NSMAF: variants seen among roughly 807,000 people sequenced by gnomAD.
The protein encoded by NSMAF is protein FAN.
In NSMAF, 90 loss-of-function variants were observed where a neutral mutation model predicts 134.9. The ratio of observed to expected loss-of-function variants is 0.67; its 90% CI spans 0.56 to 0.79. The LOEUF is 0.79. Ranked by LOEUF, NSMAF falls within the 30% of genes least tolerant of loss-of-function variation. The pLI, the probability that NSMAF is intolerant of heterozygous loss-of-function variation, is 0.00. For missense variants in NSMAF, 1,010 were observed against 1,119.0 expected, an observed-to-expected ratio of 0.90 and a Z score of 1.39; for synonymous variants, 358 against 389.6, an observed-to-expected ratio of 0.92 and a Z score of 0.96.
chr8:58,624,480 T>C (rs896888367), intron 6 of NSMAF, among the ~76,000 whole-genome samples: 1 of 152,172 alleles, frequency 6.6e-6, no homozygotes, highest in African/African-American at 2.4e-5. Flanking sequence ...TATCTCAAGA[T>C]TTTAAATTTT....
chr8:58,592,662 TG>T (rs1406634968), intron 23 of NSMAF, among the ~76,000 whole-genome samples: 3 of 152,148 alleles, frequency 2.0e-5, no homozygotes, highest in Non-Finnish European at 4.4e-5. Flanking sequence ...CCGAGGCAGG[TG>T]GAACACCTGA....
intron 1 of NSMAF, among the ~76,000 whole-genome samples, chr8:58,656,440 G>A (rs1383522004): frequency 6.6e-6 from 1 of 152,180 alleles, no homozygotes; most frequent in Non-Finnish European, 1.5e-5. Flanking sequence ...ATTCAAACCA[G>A]AAGTCTGAGA....
At chr8:58,585,250 G>T (rs939032680) in intron 30 of NSMAF, among the ~76,000 whole-genome samples, 6 of 151,676 alleles carry the variant, frequency 4.0e-5, no homozygotes, top group Non-Finnish European at 5.9e-5. Flanking sequence ...AGGAGGACTG[G>T]GAGGTAGGAG....
At chr8:58,584,690 T>C (rs1188299318) in intron 30 of NSMAF, among the ~76,000 whole-genome samples, 1 of 152,156 alleles carries the variant, frequency 6.6e-6, no homozygotes, top group Non-Finnish European at 1.5e-5. Flanking sequence ...CAGGCTGGAG[T>C]ACAGTGGCAT....
intron 1 of NSMAF, chr8:58,659,260 G>T: frequency 6.6e-7 from 1 of 1,509,446 alleles, no homozygotes; most frequent in Non-Finnish European, 8.8e-7. Context: ...GGCCTTCCGG[G>T]TGAGCTGCCC....
chr8:58,620,434 C>T (rs1806760382), intron 9 of NSMAF, among the ~76,000 whole-genome samples: 1 of 152,194 alleles, frequency 6.6e-6, no homozygotes, highest in Non-Finnish European at 1.5e-5. Context: ...TAAGAGCTAG[C>T]ACCTAAGAGT....
chr8:58,595,712 A>G, intron 21 of NSMAF, 53 bp from the exon 22 acceptor site: 1 of 1,009,668 alleles, frequency 9.9e-7, no homozygotes, highest in Non-Finnish European at 1.6e-6. Context: ...CCAACAGACA[A>G]CAGCATCAGA....
chr8:58,623,418 T>C lies in NSMAF; in HGVS notation c.463A>G (p.Arg155Gly). ...CCCAATTTGTCAAGGCAGGATGCTC[T>C]GTGAAGCTACAGTATCATAAACAGA... ...DVVETLLQLH[R>G]ASCLDKLGDQ... The change falls in exon 8 of 31, where the codon AGA (arginine) becomes GGA (glycine). Residue 155 changes from arginine to glycine, a missense_variant. By Grantham distance (125) the Arg-to-Gly change is moderately radical (BLOSUM62 -2). Coordinates refer to ENST00000038176, the MANE Select transcript of NSMAF (RefSeq NM_003580.4). 6.2e-7 allele frequency: 1 copy of C among 1,614,008 alleles called. No homozygotes were observed. The highest frequency in any genetic ancestry group is 1.1e-5 in the South Asian group (1 of 91,064).
At chr8:58,585,317 G>GTTATTTTTTTTTTTTTT (rs1554572269) in intron 30 of NSMAF, among the ~76,000 whole-genome samples, 30 of 144,296 alleles carry the variant, frequency 2.1e-4, no homozygotes, top group African/African-American at 7.4e-4. Flanking sequence ...TTGTTTCTGG[G>GTTATTTTTTTTTTTTTT]TTTTTTTTTT....
intron 1 of NSMAF, among the ~76,000 whole-genome samples, chr8:58,645,880 A>G (rs1039059345): frequency 1.3e-5 from 2 of 152,114 alleles, no homozygotes; most frequent in African/African-American, 4.8e-5. Flanking sequence ...CTCTCTACTA[A>G]AAGTACAAAA....
At chr8:58,633,960 A>G (rs1227388128) in intron 5 of NSMAF, among the ~76,000 whole-genome samples, 3 of 152,190 alleles carry the variant, frequency 2.0e-5, no homozygotes, top group Non-Finnish European at 2.9e-5. Context: ...AAGTTATTAA[A>G]TTTTTACTAA....
At chr8:58,650,996 A>G (rs555726619) in intron 1 of NSMAF, among the ~76,000 whole-genome samples, 4 of 152,182 alleles carry the variant, frequency 2.6e-5, no homozygotes, top group Admixed American at 1.3e-4. Context: ...CCTCTTTCCA[A>G]TTGTGTTCTC....
chr8:58,587,085 A>G (rs891964569), intron 27 of NSMAF, among the ~76,000 whole-genome samples: 3 of 152,236 alleles, frequency 2.0e-5, no homozygotes, highest in Non-Finnish European at 4.4e-5. Context: ...GCATCAGTTC[A>G]CAACCTTAGA....
rs33942423 is a variant in NSMAF, at chr8:58,601,546, G to GAA, written c.1126-13_1126-12dup. 0.098 allele frequency: 137,920 copies of GAA among 1,406,474 alleles called. 3,168 individuals are homozygous for GAA. The highest frequency in any genetic ancestry group is 0.28 in the African/African-American group (17,762 of 63,712). 87.1% of individuals were successfully genotyped at this position (1,406,474 alleles called of 1,614,324 possible). On this transcript the variant is annotated splice_polypyrimidine_tract_variant and intron_variant, in intron 14 of 30. Coordinates refer to ENST00000038176, the MANE Select transcript of NSMAF (RefSeq NM_003580.4). ...TTCCTGGTAGCGTGTCTAGAATACA[G>GAA]AAAAAAAAAAAAAATAGAGCTAAGT...
chr8:58,599,423 C>T (rs1806222094), intron 18 of NSMAF, 60 bp from the exon 19 acceptor site: 3 of 1,572,138 alleles, frequency 1.9e-6, no homozygotes, highest in Non-Finnish European at 2.6e-6. Flanking sequence ...TCCCATTTCT[C>T]TTGTCTATCT....
intron 1 of NSMAF, among the ~76,000 whole-genome samples, chr8:58,650,990 T>C (rs1446519945): frequency 1.3e-5 from 2 of 152,228 alleles, no homozygotes; most frequent in African/African-American, 4.8e-5. Flanking sequence ...TTTGTTCCTC[T>C]TTCCAATTGT....
chr8:58,631,995 T>A (rs116201925), intron 5 of NSMAF, among the ~76,000 whole-genome samples: 1 of 152,142 alleles, frequency 6.6e-6, no homozygotes, highest in African/African-American at 2.4e-5. Context: ...GGTCCTTACA[T>A]AGTATATTAA....
chr8:58,594,479 C>T (rs977100435), intron 22 of NSMAF, 189 bp from the exon 23 acceptor site: 14 of 584,384 alleles, frequency 2.4e-5, no homozygotes, highest in Admixed American at 6.0e-5. Flanking sequence ...GTTCTGGCAA[C>T]GCCTGTGGCT....
At chr8:58,603,409 G>T (rs1047997770) in intron 12 of NSMAF, 23 bp from the exon 13 acceptor site, 3 of 1,610,528 alleles carry the variant, frequency 1.9e-6, no homozygotes, top group African/African-American at 2.7e-5. Context: ...GACCCACGAG[G>T]TCTGCCACTT....
Sources: allele counts gnomAD v4.1 joint callset (sites outside exome capture counted in the v4.1 genomes callset), GRCh38; gene constraint gnomAD v4.1.1; transcripts MANE v1.5; gene names NCBI Gene and HGNC (gene_info 2026-07-23, HGNC 2026-07-21).